Variants in ANAPC5 observed in about 807,000 individuals in gnomAD.
The protein encoded by ANAPC5 is anaphase promoting complex subunit 5, also known as anaphase-promoting complex subunit 5.
A neutral mutation model predicts 91.3 loss-of-function variants in ANAPC5; 60 were observed. That is an observed-to-expected ratio of 0.66 (90% CI 0.53 to 0.81). The LOEUF (loss-of-function observed/expected upper bound fraction) is 0.81, where lower values mean the gene tolerates loss of function less well. ANAPC5 is among the 40% of genes least tolerant of loss of function. The probability of loss-of-function intolerance (pLI) is 0.00; values close to 1 mark genes in which losing one functional copy is unlikely to be tolerated. For missense variants in ANAPC5, 690 were observed against 931.5 expected (o/e 0.74, Z 3.37); for synonymous variants, 340 against 364.1 (o/e 0.93, Z 0.75).
chr12:121,313,004 A>C (rs914401606), intron 15 of ANAPC5, among the ~76,000 whole-genome samples: 1 of 152,202 alleles, frequency 6.6e-6, no homozygotes, highest in Non-Finnish European at 1.5e-5. Flanking sequence ...AAGATCTCAA[A>C]TCAATAAGCG....
intron 15 of ANAPC5, among the ~76,000 whole-genome samples, chr12:121,315,140 T>G (rs1413290450): frequency 6.6e-6 from 1 of 151,980 alleles, no homozygotes; most frequent in Non-Finnish European, 1.5e-5. Context: ...GGATATAAGA[T>G]CAATATAAAC....
chr12:121,352,554 G>A (rs1041343934), upstream of ANAPC5: 5 of 524,742 alleles, frequency 9.5e-6, no homozygotes, highest in Middle Eastern at 1.5e-3. Context: ...TGCGGGGAGG[G>A]GTGCACCAAA....
At chr12:121,310,726 G>C (rs1251458984) in intron 15 of ANAPC5, among the ~76,000 whole-genome samples, 1 of 152,026 alleles carries the variant, frequency 6.6e-6, no homozygotes, top group Non-Finnish European at 1.5e-5. Flanking sequence ...TTGAGGTCAG[G>C]GGTTCGAGAC....
chr12:121,330,525 A>G (rs1432391220), intron 9 of ANAPC5, 58 bp downstream of exon 9: 7 of 1,469,854 alleles, frequency 4.8e-6, no homozygotes, highest in African/African-American at 1.4e-5. Flanking sequence ...GGTGGGCAGA[A>G]AAAGAGACAA....
intron 10 of ANAPC5, 31 bp from the exon 11 acceptor site, chr12:121,327,262 T>A: frequency 6.2e-7 from 1 of 1,608,168 alleles, no homozygotes; most frequent in Non-Finnish European, 8.5e-7. Context: ...GGATTTCCTT[T>A]CAGCAGCAGA....
intron 13 of ANAPC5, 57 bp from the exon 14 acceptor site, chr12:121,318,665 A>C: frequency 7.1e-7 from 1 of 1,413,186 alleles, no homozygotes; most frequent in East Asian, 2.3e-5. Context: ...GAGGGTAAGA[A>C]TCTCAATTTA....
intron 15 of ANAPC5, among the ~76,000 whole-genome samples, chr12:121,317,072 C>T (rs1421233549): frequency 6.6e-6 from 1 of 151,992 alleles, no homozygotes; most frequent in Admixed American, 6.6e-5. Flanking sequence ...GAGAGGTTAC[C>T]AGAGGCTGGG....
chr12:121,332,190 T>C (rs1903068869), intron 7 of ANAPC5: 1 of 152,336 alleles, frequency 6.6e-6, no homozygotes, highest in South Asian at 2.1e-4. Flanking sequence ...CTCCAACTCC[T>C]GGCCTCAAGC....
intron 9 of ANAPC5, 74 bp downstream of exon 9, chr12:121,330,509 G>T: frequency 3.2e-6 from 4 of 1,234,604 alleles, no homozygotes; most frequent in South Asian, 1.3e-5. Context: ...GCTGGTTAAT[G>T]ACAGAGGTGG....
Position 121,320,368 on chromosome 12 carries a change from T to A in ANAPC5, c.1515+17A>T. The A allele has an allele frequency of 6.2e-7, 1 of 1,610,782 alleles. No individual in the cohort carries two copies. On this transcript the variant is annotated intron_variant, in intron 12 of 16. Coordinates refer to ENST00000261819, the MANE Select transcript of ANAPC5 (RefSeq NM_016237.5). ...TTTATCAGAAATAAATCTATTGCCA[T>A]GCAAAAGGCAGATTACCTGGGCGTG...
At chr12:121,308,899 A>G (rs185073213) in intron 16 of ANAPC5, among the ~76,000 whole-genome samples, 115 of 152,292 alleles carry the variant, frequency 7.6e-4, no homozygotes, top group African/African-American at 2.6e-3. Context: ...CTGTAATCCT[A>G]GCACTTTGGG....
chr12:121,330,741 G>T, intron 8 of ANAPC5, 69 bp from the exon 9 acceptor site: 1 of 1,269,376 alleles, frequency 7.9e-7, no homozygotes, highest in Non-Finnish European at 1.1e-6. Context: ...AAATATCAAT[G>T]TGGTCATAAG....
chr12:121,343,408 G>A (rs1170127062), intron 4 of ANAPC5, among the ~76,000 whole-genome samples: 1 of 152,168 alleles, frequency 6.6e-6, no homozygotes, highest in African/African-American at 2.4e-5. Context: ...ACAACCCTCT[G>A]GGGAAGGGGT....
rs1555272884 is a variant in ANAPC5 at position 121,331,398 on chromosome 12, T to G, written c.981A>C (p.Ala327=). The part of the protein sequence containing the change: ...YQQAELALQE[A]IRIAQESNDH... ...CGTTGGACTCCTGGGCAATCCTAAT[T>G]GCCTCCTGCAGGGCGAGCTCTGCCT... Residue 327 remains alanine (A), a synonymous_variant, in exon 8 of 17, where the codon GCA becomes GCC. Transcript: ENST00000261819. 1 of 1,609,302 alleles carries G rather than the reference T, an allele frequency of 6.2e-7. No homozygotes were observed. Among genetic ancestry groups the G allele is most frequent in the Non-Finnish European group, 8.5e-7 (1 of 1,175,916 alleles).
upstream of ANAPC5, among the ~76,000 whole-genome samples, chr12:121,352,796 G>A (rs1903964493): frequency 6.8e-6 from 1 of 146,878 alleles, no homozygotes; most frequent in East Asian, 2.0e-4. Flanking sequence ...GAGGGCAGTG[G>A]TTATTCGTAG....
At chr12:121,349,692 G>A (rs1359462702) in intron 1 of ANAPC5, among the ~76,000 whole-genome samples, 1 of 150,292 alleles carries the variant, frequency 6.7e-6, no homozygotes, top group Non-Finnish European at 1.5e-5. Flanking sequence ...AGGAAGGTGA[G>A]AGTTAAGAGA....
At chr12:121,321,438 T>C (rs1185903837) in intron 11 of ANAPC5, among the ~76,000 whole-genome samples, 1 of 143,488 alleles carries the variant, frequency 7.0e-6, no homozygotes, top group Non-Finnish European at 1.5e-5. Flanking sequence ...CAATGCAGCC[T>C]CAACTTCCTA....
chr12:121,308,713 C>G (rs774253046), intron 16 of ANAPC5, 22 bp from the exon 17 acceptor site: 4 of 1,595,256 alleles, frequency 2.5e-6, no homozygotes, highest in Non-Finnish European at 3.4e-6. Context: ...GGGAAAATAA[C>G]ACACACATTT....
intron 5 of ANAPC5, among the ~76,000 whole-genome samples, chr12:121,340,715 G>T: frequency 8.4e-6 from 1 of 118,914 alleles, no homozygotes; most frequent in East Asian, 2.8e-4. Context: ...ACCACACCCG[G>T]CTAATTTTTG....
Sources: gnomAD v4.1 joint callset for allele counts (sites outside exome capture counted in the v4.1 genomes callset) on GRCh38, gnomAD v4.1.1 for gene constraint, MANE v1.5 for transcripts, NCBI Gene and HGNC (gene_info 2026-07-23, HGNC 2026-07-21) for gene names.